The following F8 variants were observed in gnomAD, a reference collection of about 807,000 sequenced individuals.
The protein encoded by F8 is coagulation factor VIII.
In F8, 12 loss-of-function variants were observed where a neutral mutation model predicts 140.6. The observed-to-expected ratio is 0.09, with a 90% CI of 0.05 to 0.14. The LOEUF (loss-of-function observed/expected upper bound fraction) is 0.14, where lower values mean the gene tolerates loss of function less well. Ranked by LOEUF, F8 falls within the 10% of genes least tolerant of loss-of-function variation. The pLI, the probability that F8 is intolerant of heterozygous loss-of-function variation, is 1.00. For synonymous variants in F8, 585 were observed against 614.6 expected (o/e 0.95, Z 0.71); for missense variants, 1,354 against 1,720.7 (o/e 0.79, Z 3.77).
intron 6 of F8, chrX:154,977,562 G>A (rs375261794): frequency 3.0e-4 from 29 of 95,296 alleles, no homozygotes; most frequent in African/African-American, 9.3e-4. Context: ...GCTGGCAGGT[G>A]TTTTTTTTTT....
intron 22 of F8, among the ~76,000 whole-genome samples, chrX:154,895,632 T>C (rs1382371754): frequency 8.9e-6 from 1 of 111,972 alleles, no homozygotes; most frequent in African/African-American, 3.3e-5. Context: ...TTTAAGCCTT[T>C]AAGGGTCTTG....
chrX:154,841,440 G>A (rs370438204), intron 25 of F8, among the ~76,000 whole-genome samples: 1 of 108,835 alleles, frequency 9.2e-6, no homozygotes, highest in South Asian at 3.8e-4. Flanking sequence ...TTATCTGACA[G>A]GAATGTGCAA....
intron 2 of F8, among the ~76,000 whole-genome samples, chrX:154,998,067 T>C (rs1557285264): frequency 8.9e-6 from 1 of 112,656 alleles, no homozygotes; most frequent in East Asian, 2.8e-4. Flanking sequence ...CTTAGACCAC[T>C]GCTTTTAATT....
chrX:154,975,881 C>T (rs1376138923), intron 6 of F8, among the ~76,000 whole-genome samples: 1 of 111,615 alleles, frequency 9.0e-6, no homozygotes, highest in Admixed American at 9.5e-5. Context: ...AACTTCTTTA[C>T]TATTATATAA....
At chrX:154,890,236 G>A (rs1365080103) in intron 22 of F8, among the ~76,000 whole-genome samples, 6 of 106,576 alleles carry the variant, frequency 5.6e-5, no homozygotes, top group Non-Finnish European at 7.7e-5. Flanking sequence ...CTCACAGTCC[G>A]TACAAAAGCA....
intron 6 of F8, among the ~76,000 whole-genome samples, chrX:154,980,635 G>A (rs1557283447): frequency 8.9e-6 from 1 of 112,107 alleles, no homozygotes; most frequent in Non-Finnish European, 1.9e-5. Context: ...GGGTTTGTTT[G>A]TGACTGCTCT....
chrX:154,958,815 C>T (rs1241188373), intron 10 of F8, among the ~76,000 whole-genome samples: 1 of 110,610 alleles, frequency 9.0e-6, no homozygotes, highest in African/African-American at 3.3e-5. Context: ...GGGTTTTCAC[C>T]ATGTTGGCCA....
intron 22 of F8, among the ~76,000 whole-genome samples, chrX:154,878,428 C>CA (rs57418004): frequency 0.029 from 769 of 26,123 alleles, 3 homozygotes; most frequent in Non-Finnish European, 0.041. Flanking sequence ...TTTTCATGAC[C>CA]AAAAAAAAAA....
intron 1 of F8, among the ~76,000 whole-genome samples, chrX:155,013,439 A>G (rs1041702068): frequency 8.1e-5 from 9 of 111,504 alleles, no homozygotes; most frequent in Non-Finnish European, 1.5e-4. Context: ...GCCTTCCACC[A>G]TGATTGTGAG....
At chrX:155,014,621 T>C (rs1395591551) in intron 1 of F8, among the ~76,000 whole-genome samples, 1 of 112,611 alleles carries the variant, frequency 8.9e-6, no homozygotes, top group Non-Finnish European at 1.9e-5. Context: ...ATTGAATTTC[T>C]ATATTTTAGT....
intron 4 of F8, among the ~76,000 whole-genome samples, chrX:154,992,197 A>G (rs782246685): frequency 8.9e-6 from 1 of 111,949 alleles, no homozygotes; most frequent in Non-Finnish European, 1.9e-5. Context: ...AAGTCAAAAC[A>G]CTGACAAATT....
intron 6 of F8, among the ~76,000 whole-genome samples, chrX:154,973,389 A>G (rs781805445): frequency 3.1e-4 from 35 of 112,671 alleles, no homozygotes; most frequent in Non-Finnish European, 4.7e-4. Flanking sequence ...TCTGTGAAGA[A>G]TGACATTGGA....
chrX:154,961,866 C>T (rs1270498381), intron 9 of F8, among the ~76,000 whole-genome samples: 2 of 111,337 alleles, frequency 1.8e-5, no homozygotes, highest in Admixed American at 1.9e-4. Context: ...GATTCCCCTC[C>T]CTTTGTGCAG....
intron 1 of F8, among the ~76,000 whole-genome samples, chrX:155,004,067 ATGT>A (rs1485775589): frequency 2.7e-5 from 3 of 110,961 alleles, no homozygotes; most frequent in Non-Finnish European, 5.7e-5. Flanking sequence ...AAGACAAAAA[ATGT>A]TGTAAGAAAC....
At chrX:154,941,015 G>C (rs1024636789) in intron 13 of F8, among the ~76,000 whole-genome samples, 8 of 112,002 alleles carry the variant, frequency 7.1e-5, no homozygotes, top group Non-Finnish European at 1.5e-4. Flanking sequence ...TCTGAAGGAA[G>C]CACTAAACAT....
chrX:154,892,969 A>G (rs1467520923), intron 22 of F8, among the ~76,000 whole-genome samples: 1 of 111,189 alleles, frequency 9.0e-6, no homozygotes, highest in Non-Finnish European at 1.9e-5. Flanking sequence ...AACATTTACA[A>G]TCTATTCTCT....
At chrX:154,993,424 T>C (rs781986472) in intron 3 of F8, among the ~76,000 whole-genome samples, 1 of 111,847 alleles carries the variant, frequency 8.9e-6, no homozygotes, top group East Asian at 2.8e-4. Flanking sequence ...CCGGCTAATT[T>C]TGTATTTTTA....
chrX:154,916,716 T>A (rs1557277137), intron 14 of F8, among the ~76,000 whole-genome samples: 1 of 111,500 alleles, frequency 9.0e-6, no homozygotes, highest in African/African-American at 3.2e-5. Context: ...CTAAAGATTT[T>A]AAATTTTATC....
intron 14 of F8, among the ~76,000 whole-genome samples, chrX:154,911,511 C>T (rs782749433): frequency 3.6e-5 from 4 of 111,530 alleles, no homozygotes; most frequent in Non-Finnish European, 5.6e-5. Context: ...CCAGGCTCAT[C>T]GATGTTGCCA....
Sources: allele counts gnomAD v4.1 joint callset (sites outside exome capture counted in the v4.1 genomes callset), GRCh38; gene constraint gnomAD v4.1.1; transcripts MANE v1.5; gene names NCBI Gene and HGNC (gene_info 2026-07-23, HGNC 2026-07-21).